Variants in ACTR3C observed in about 807,000 individuals in gnomAD.
ACTR3C encodes actin-related protein 3C.
A neutral mutation model predicts 26.3 loss-of-function variants in ACTR3C; 18 were observed. That is an observed-to-expected ratio of 0.68 (90% confidence interval 0.47 to 1.01). The LOEUF is 1.01. Ranked by LOEUF, ACTR3C falls within the 50% of genes least tolerant of loss-of-function variation. ACTR3C has a pLI of 0.00. For missense variants in ACTR3C, 184 were observed against 250.7 expected (o/e 0.73, Z 1.80); for synonymous variants, 55 against 94.5 (o/e 0.58, Z 2.42).
At chr7:149,956,352 T>A in the ACTR3C span, among the ~76,000 whole-genome samples, 1 of 152,076 alleles carries the variant, frequency 6.6e-6, no homozygotes, top group African/African-American at 2.4e-5. Context: ...AGTCCAGGAG[T>A]TCGAGACCAA....
the ACTR3C span, among the ~76,000 whole-genome samples, chr7:150,010,848 C>A: frequency 6.8e-6 from 1 of 147,534 alleles, no homozygotes; most frequent in African/African-American, 2.5e-5. Flanking sequence ...GGGGTTGTGT[C>A]TGAGGGGTTG....
the ACTR3C span, among the ~76,000 whole-genome samples, chr7:150,177,564 T>C: frequency 3.3e-4 from 50 of 150,968 alleles, 4 homozygotes; most frequent in African/African-American, 1.2e-3. Context: ...ACTTCAAAAC[T>C]TTATAATTTT....
At chr7:150,273,362 C>T (rs566415124) in intron 6 of ACTR3C, among the ~76,000 whole-genome samples, 5 of 148,438 alleles carry the variant, frequency 3.4e-5, no homozygotes, top group East Asian at 2.0e-4. Flanking sequence ...ACTGCAGCCT[C>T]GACCTTCTGG....
the ACTR3C span, among the ~76,000 whole-genome samples, chr7:150,209,966 G>A: frequency 2.8e-5 from 4 of 144,986 alleles, no homozygotes; most frequent in South Asian, 2.2e-4. Context: ...TACCCCTATA[G>A]ACTGGAAGAA....
rs367659247 is a variant in ACTR3C, at chr7:150,264,170, G to A, written c.565-15116C>T. On this transcript the variant is annotated intron_variant, in intron 6 of 7. Coordinates refer to ENST00000683684, the MANE Select transcript of ACTR3C (RefSeq NM_001164458.2). Reference sequence around the variant, plus strand: ...GAAGGGAGGTCACAACCCAGCAACAGGCGGGGGCCAAACATCCCTCATTCG... The same window carrying A: ...GAAGGGAGGTCACAACCCAGCAACAAGCGGGGGCCAAACATCCCTCATTCG... Among the ~76,000 whole-genome samples, 4 of 152,338 alleles carry A rather than the reference G, an allele frequency of 2.6e-5. No individual in the cohort carries two copies. The East Asian group carries it at 7.7e-4, about 29-fold the overall frequency.
At chr7:150,198,154 T>C in the ACTR3C span, among the ~76,000 whole-genome samples, 1 of 150,806 alleles carries the variant, frequency 6.6e-6, no homozygotes, top group East Asian at 1.9e-4. Context: ...TGCTCAATGG[T>C]GCCCAGGCTG....
chr7:149,963,782 C>T, the ACTR3C span, among the ~76,000 whole-genome samples: 1 of 152,162 alleles, frequency 6.6e-6, no homozygotes, highest in Non-Finnish European at 1.5e-5. Context: ...CTCTGTGAAC[C>T]TGTTTCTATG....
chr7:150,097,482 G>A, the ACTR3C span, among the ~76,000 whole-genome samples: 58 of 151,730 alleles, frequency 3.8e-4, 4 homozygotes, highest in African/African-American at 1.4e-3. Flanking sequence ...CTATGTTGAT[G>A]ACAGCCAAGT....
chr7:149,907,473 TTCTCTTCTC>T, the ACTR3C span, among the ~76,000 whole-genome samples: 3,316 of 109,812 alleles, frequency 0.03, 118 homozygotes, highest in African/African-American at 0.097. Context: ...CTTGCCTCTC[TTCTCTTCTC>T]TCTCTCTCTC....
the ACTR3C span, among the ~76,000 whole-genome samples, chr7:150,026,781 T>C: frequency 3.9e-5 from 6 of 152,252 alleles, no homozygotes; most frequent in East Asian, 3.9e-4. Flanking sequence ...GAAGCAAATA[T>C]AGAAGTTGAT....
the ACTR3C span, among the ~76,000 whole-genome samples, chr7:149,951,355 T>C: frequency 0.015 from 2,127 of 145,888 alleles, 229 homozygotes; most frequent in African/African-American, 0.055. Context: ...TGCAAATGCA[T>C]TATCTTCCAG....
the ACTR3C span, among the ~76,000 whole-genome samples, chr7:149,995,514 TCTTC>T: frequency 2.6e-5 from 4 of 152,284 alleles, no homozygotes; most frequent in Non-Finnish European, 5.9e-5. Context: ...AGGTCTGTTC[TCTTC>T]GAGGTCTTTC....
the ACTR3C span, among the ~76,000 whole-genome samples, chr7:149,983,707 C>A: frequency 6.6e-6 from 1 of 151,250 alleles, no homozygotes. Flanking sequence ...CATAATAGCC[C>A]AAATGTGGAA....
At chr7:150,031,274 G>C in the ACTR3C span, among the ~76,000 whole-genome samples, 1 of 56,222 alleles carries the variant, frequency 1.8e-5, no homozygotes, top group Admixed American at 2.5e-4. Flanking sequence ...AAAAAAAAAA[G>C]TAAAAAAAAA....
chr7:149,905,648 A>T, the ACTR3C span, among the ~76,000 whole-genome samples: 1 of 151,088 alleles, frequency 6.6e-6, no homozygotes, highest in African/African-American at 2.4e-5. Flanking sequence ...CCACTTAAAA[A>T]TGCAATAGAA....
At chr7:150,198,969 G>A in the ACTR3C span, among the ~76,000 whole-genome samples, 3 of 135,666 alleles carry the variant, frequency 2.2e-5, no homozygotes, top group South Asian at 4.6e-4. Flanking sequence ...CGCCCCGTCC[G>A]GGAGGGAGGT....
At chr7:150,096,714 C>CTG in the ACTR3C span, among the ~76,000 whole-genome samples, 1 of 151,908 alleles carries the variant, frequency 6.6e-6, no homozygotes. Flanking sequence ...TACTTACAGT[C>CTG]TGTGTACACT....
chr7:150,092,715 C>T, the ACTR3C span, among the ~76,000 whole-genome samples: 1 of 150,460 alleles, frequency 6.6e-6, no homozygotes, highest in African/African-American at 2.5e-5. Context: ...CTCGCTGAGC[C>T]TCACGGCATG....
At chr7:150,171,375 T>C in the ACTR3C span, among the ~76,000 whole-genome samples, 91 of 150,540 alleles carry the variant, frequency 6.0e-4, 4 homozygotes, top group African/African-American at 2.2e-3. Flanking sequence ...TAATCTGTAT[T>C]TCAAAGAAGA....
Sources: gnomAD v4.1 joint callset for allele counts (sites outside exome capture counted in the v4.1 genomes callset) on GRCh38, gnomAD v4.1.1 for gene constraint, MANE v1.5 for transcripts, NCBI Gene and HGNC (gene_info 2026-07-23, HGNC 2026-07-21) for gene names.